ARHGEF3: variants seen among roughly 807,000 people sequenced by gnomAD.
The protein encoded by ARHGEF3 is Rho guanine nucleotide exchange factor 3.
Under a neutral mutation model 63.2 loss-of-function variants are expected in ARHGEF3, and 28 were observed. That is an observed-to-expected ratio of 0.44 (90% CI 0.33 to 0.61). The LOEUF is 0.61. Ranked by LOEUF, ARHGEF3 falls within the 20% of genes least tolerant of loss-of-function variation. The pLI is 0.03. For synonymous variants in ARHGEF3, 266 were observed against 254.2 expected (o/e 1.05, Z -0.44); for missense variants, 533 against 659.3 (o/e 0.81, Z 2.10).
At chr3:56,952,998 C>T (rs752473962) in intron 3 of ARHGEF3, among the ~76,000 whole-genome samples, 1 of 152,182 alleles carries the variant, frequency 6.6e-6, no homozygotes, top group Non-Finnish European at 1.5e-5. Flanking sequence ...AATTACTACA[C>T]CTGTACTTTA....
chr3:56,776,721 C>T (rs568893303), intron 1 of ARHGEF3, among the ~76,000 whole-genome samples: 8 of 152,228 alleles, frequency 5.3e-5, no homozygotes, highest in South Asian at 2.1e-4. Context: ...CAAATGCAAT[C>T]GTAGGGATGC....
intron 1 of ARHGEF3, among the ~76,000 whole-genome samples, chr3:56,800,863 G>A (rs2037613462): frequency 1.3e-5 from 2 of 152,210 alleles, no homozygotes; most frequent in Non-Finnish European, 2.9e-5. Flanking sequence ...GAAAGCGACT[G>A]TATTCCCTAA....
At chr3:56,927,270 A>T (rs567897850) in intron 3 of ARHGEF3, among the ~76,000 whole-genome samples, 2 of 152,364 alleles carry the variant, frequency 1.3e-5, no homozygotes, top group Admixed American at 6.5e-5. Flanking sequence ...CATAGTAAGT[A>T]ACAATTGCAG....
At chr3:56,911,712 T>C (rs75077965) in intron 3 of ARHGEF3, among the ~76,000 whole-genome samples, 3,905 of 152,158 alleles carry the variant, frequency 0.026, 173 homozygotes, top group African/African-American at 0.089. Flanking sequence ...TTGCATCGAA[T>C]ATGCTGCTTC....
chr3:56,996,521 C>G (rs1701992236), intron 2 of ARHGEF3, among the ~76,000 whole-genome samples: 1 of 152,182 alleles, frequency 6.6e-6, no homozygotes, highest in Admixed American at 6.5e-5. Flanking sequence ...TCTTTCCTTT[C>G]CATCTCATGA....
At chr3:56,803,601 A>C (rs2037756315), upstream of ARHGEF3, among the ~76,000 whole-genome samples, 1 of 152,214 alleles carries the variant, frequency 6.6e-6, no homozygotes, top group Non-Finnish European at 1.5e-5. Context: ...CAACAGTTCA[A>C]GACCAGCCTA....
intron 1 of ARHGEF3, among the ~76,000 whole-genome samples, chr3:56,782,549 GC>G (rs1302923355): frequency 6.6e-6 from 1 of 151,808 alleles, no homozygotes; most frequent in Non-Finnish European, 1.5e-5. Context: ...CTCACATTAG[GC>G]ATCCAAGGGG....
intron 2 of ARHGEF3, among the ~76,000 whole-genome samples, chr3:56,986,809 GA>G (rs5849179): frequency 0.23 from 33,986 of 147,378 alleles, 4,064 homozygotes; most frequent in Middle Eastern, 0.37. Flanking sequence ...TGCGAATTTT[GA>G]AAAAAAAAAA....
chr3:56,729,561 T>C lies in ARHGEF3; in HGVS notation c.1290A>G (p.Gln430=). The change falls in exon 10 of 10, where the codon CAA becomes CAG. Residue 430 remains glutamine, a synonymous_variant. Coordinates refer to ENST00000296315, the MANE Select transcript of ARHGEF3 (RefSeq NM_019555.3). ...NGSQSQTHSL[Q]ANDTFNKQQW... ...GCTGTTTGTTGAAAGTGTCATTGGC[T>C]TGTAGCGAGTGGGTCTGACTTTGGG... is the stretch of plus-strand genomic sequence containing the variant. The C allele has an allele frequency of 6.2e-7, 1 of 1,613,440 alleles. No homozygotes were observed.
intron 8 of ARHGEF3, among the ~76,000 whole-genome samples, chr3:56,733,281 T>TA (rs535444706): frequency 1.2e-3 from 106 of 87,546 alleles, no homozygotes; most frequent in African/African-American, 3.5e-3. Context: ...AGACTCCATC[T>TA]AAAAAAAAAA....
chr3:56,958,857 A>G (rs759330775), exon 3 of ARHGEF3: 2 of 1,551,686 alleles, frequency 1.3e-6, no homozygotes, highest in Non-Finnish European at 1.7e-6. Flanking sequence ...AGAGGGAAAC[A>G]TGGGAAAGTT....
chr3:56,941,335 G>A (rs1334579573), intron 3 of ARHGEF3, among the ~76,000 whole-genome samples: 1 of 152,210 alleles, frequency 6.6e-6, no homozygotes, highest in African/African-American at 2.4e-5. Context: ...AGGCTCCCAA[G>A]CAGCTGGGGT....
intron 2 of ARHGEF3, among the ~76,000 whole-genome samples, chr3:56,755,636 G>T (rs1559908733): frequency 6.6e-6 from 1 of 152,198 alleles, no homozygotes. Flanking sequence ...CCCCAGACCT[G>T]ACCAATAGAG....
At chr3:56,769,792 A>G (rs1353165866) in intron 2 of ARHGEF3, among the ~76,000 whole-genome samples, 1 of 152,222 alleles carries the variant, frequency 6.6e-6, no homozygotes, top group East Asian at 1.9e-4. Context: ...CCAACCTGAG[A>G]GACATAATTG....
At chr3:57,027,583 A>G (rs1703527796) in intron 2 of ARHGEF3, among the ~76,000 whole-genome samples, 1 of 152,160 alleles carries the variant, frequency 6.6e-6, no homozygotes, top group Non-Finnish European at 1.5e-5. Context: ...GGCTGGGCAC[A>G]CTGGCTCACA....
At chr3:56,891,158 G>A (rs922856954) in intron 3 of ARHGEF3, among the ~76,000 whole-genome samples, 1 of 145,028 alleles carries the variant, frequency 6.9e-6, no homozygotes, top group Admixed American at 7.1e-5. Context: ...GAAAGAAGGA[G>A]CACCAACTCC....
intron 4 of ARHGEF3, among the ~76,000 whole-genome samples, chr3:56,869,362 C>T (rs985474777): frequency 3.9e-5 from 6 of 152,172 alleles, no homozygotes; most frequent in African/African-American, 1.4e-4. Context: ...AGAGAAACCA[C>T]CTGCTCATAC....
At chr3:56,857,478 G>A (rs1056121110) in intron 4 of ARHGEF3, among the ~76,000 whole-genome samples, 4 of 152,198 alleles carry the variant, frequency 2.6e-5, no homozygotes, top group Non-Finnish European at 5.9e-5. Context: ...GCAACCATGA[G>A]GGACACCAGC....
At chr3:56,757,167 G>A (rs945480089) in intron 2 of ARHGEF3, among the ~76,000 whole-genome samples, 17 of 152,190 alleles carry the variant, frequency 1.1e-4, no homozygotes, top group African/African-American at 3.4e-4. Flanking sequence ...TCAACATAAG[G>A]GCATTGTTAA....
Sources: allele counts gnomAD v4.1 joint callset (sites outside exome capture counted in the v4.1 genomes callset), GRCh38; gene constraint gnomAD v4.1.1; transcripts MANE v1.5; gene names NCBI Gene and HGNC (gene_info 2026-07-23, HGNC 2026-07-21).